Variants in GMDS observed in about 807,000 individuals in gnomAD.
GMDS encodes the protein GDP-mannose 4,6-dehydratase, also known as GDP-mannose 4,6 dehydratase.
GMDS carries 20 observed loss-of-function variants against 49.9 expected under a neutral mutation model. That is an observed-to-expected ratio of 0.40 (90% CI 0.28 to 0.58). The LOEUF is 0.58. Among genes scored for constraint, GMDS ranks in the 20% least tolerant of loss-of-function variants. The pLI is 0.42. For synonymous variants in GMDS, 177 were observed against 178.6 expected, an observed-to-expected ratio of 0.99 and a Z score of 0.07; for missense variants, 362 against 481.4, an observed-to-expected ratio of 0.75 and a Z score of 2.32.
At chr6:2,071,961 G>A (rs1450524703) in intron 4 of GMDS, among the ~76,000 whole-genome samples, 1 of 152,138 alleles carries the variant, frequency 6.6e-6, no homozygotes, top group Non-Finnish European at 1.5e-5. Flanking sequence ...GGGGAAAAAA[G>A]AGTAAAAGTG....
At chr6:1,954,230 G>A (rs1390811738) in intron 6 of GMDS, among the ~76,000 whole-genome samples, 1 of 152,228 alleles carries the variant, frequency 6.6e-6, no homozygotes, top group African/African-American at 2.4e-5. Context: ...GTTTTTAAAA[G>A]CCCTGTACAA....
intron 4 of GMDS, among the ~76,000 whole-genome samples, chr6:2,070,400 G>A (rs988055214): frequency 3.3e-5 from 5 of 151,824 alleles, no homozygotes; most frequent in African/African-American, 9.7e-5. Context: ...CACATGTACC[G>A]TAAAACCTAA....
intron 4 of GMDS, among the ~76,000 whole-genome samples, chr6:2,004,235 A>G (rs1361919513): frequency 1.3e-5 from 2 of 152,226 alleles, no homozygotes; most frequent in African/African-American, 4.8e-5. Context: ...TACAACGCCT[A>G]CAGCCTAAAA....
At position 1,640,477 on chromosome 6, in the gene GMDS, A is replaced by G. The variant is rs1166134943; in HGVS notation, c.988-15937T>C. On this transcript the variant is annotated intron_variant, in intron 9 of 10. Coordinates refer to ENST00000380815, the MANE Select transcript of GMDS (RefSeq NM_001500.4). The surrounding 1 kb of genome is among the most constrained non-coding windows in gnomAD (Gnocchi z 4.0). ...TCAGGTCCCTCTTTAAGTGTTGGCC[A>G]CTCCCCAGCCTTGAACCTCCCTGAC... Among the ~76,000 whole-genome samples the G allele has an allele frequency of 6.6e-6, 1 of 151,604 alleles. No individual in the cohort carries two copies. The highest frequency in any genetic ancestry group is 1.5e-5 in the Non-Finnish European group (1 of 67,934).
intron 4 of GMDS, among the ~76,000 whole-genome samples, chr6:1,972,727 C>T (rs1452596925): frequency 6.6e-6 from 1 of 152,208 alleles, no homozygotes. Flanking sequence ...GGGACAACAG[C>T]CATTTCAACA....
chr6:2,226,556 C>A (rs1420219565), intron 1 of GMDS, among the ~76,000 whole-genome samples: 1 of 152,128 alleles, frequency 6.6e-6, no homozygotes, highest in African/African-American at 2.4e-5. Flanking sequence ...GATATTATAA[C>A]CCTCCTATCA....
chr6:1,806,682 T>C (rs1003954220), intron 7 of GMDS, among the ~76,000 whole-genome samples: 1 of 152,196 alleles, frequency 6.6e-6, no homozygotes, highest in Admixed American at 6.5e-5. Context: ...TTCTTACATA[T>C]CAAAATGAGA....
intron 9 of GMDS, among the ~76,000 whole-genome samples, chr6:1,644,108 G>C (rs2113192805): frequency 6.6e-6 from 1 of 152,324 alleles, no homozygotes; most frequent in South Asian, 2.1e-4. Context: ...CCCCCGGTCT[G>C]AGGTAGGTCA....
At chr6:2,041,872 C>A (rs1769704778) in intron 4 of GMDS, among the ~76,000 whole-genome samples, 1 of 152,132 alleles carries the variant, frequency 6.6e-6, no homozygotes, top group African/African-American at 2.4e-5. Flanking sequence ...TAAACAAATA[C>A]CTTTTTAAAA....
At chr6:2,207,031 T>C (rs1581796224) in intron 1 of GMDS, among the ~76,000 whole-genome samples, 1 of 152,154 alleles carries the variant, frequency 6.6e-6, no homozygotes, top group African/African-American at 2.4e-5. Context: ...ACTTATAAGG[T>C]CATGAAAACA....
chr6:1,947,187 C>A (rs747139337), intron 6 of GMDS, among the ~76,000 whole-genome samples: 48 of 152,092 alleles, frequency 3.2e-4, no homozygotes, highest in South Asian at 2.1e-4. Flanking sequence ...TCCAGCACTC[C>A]CAATTAAATG....
chr6:1,945,374 C>T (rs1057096241), intron 6 of GMDS, among the ~76,000 whole-genome samples: 1 of 152,086 alleles, frequency 6.6e-6, no homozygotes, highest in African/African-American at 2.4e-5. Flanking sequence ...TGTGTGGCAA[C>T]AGGAGTGTGG....
At position 1,752,101 on chromosome 6, in the gene GMDS, A is replaced by G. The variant is rs116245409; in HGVS notation, c.772-9515T>C. Among the ~76,000 whole-genome samples, 477 of 152,340 alleles carry G rather than the reference A, an allele frequency of 3.1e-3. 3 individuals carry two copies. The highest frequency in any genetic ancestry group is 0.011 in the African/African-American group (445 of 41,586). ...ACAAACTCTTCTGAGCAACAGGAGC[A>G]TGTTCTAACCCAATGCAAGAAAGCT... On this transcript the variant is annotated intron_variant, in intron 7 of 10. Coordinates refer to ENST00000380815, the MANE Select transcript of GMDS (RefSeq NM_001500.4).
intron 7 of GMDS, among the ~76,000 whole-genome samples, chr6:1,885,622 G>A (rs1047975926): frequency 6.6e-6 from 1 of 152,174 alleles, no homozygotes; most frequent in East Asian, 1.9e-4. Flanking sequence ...CTTGGTCTCC[G>A]AGGTTGCCTA....
intron 1 of GMDS, among the ~76,000 whole-genome samples, chr6:2,171,653 C>T (rs1778011351): frequency 6.6e-6 from 1 of 151,994 alleles, no homozygotes; most frequent in South Asian, 2.1e-4. Context: ...GTGGATAGCA[C>T]AGGGAACAAA....
chr6:2,081,597 A>C (rs1176073441), intron 4 of GMDS, among the ~76,000 whole-genome samples: 2 of 152,048 alleles, frequency 1.3e-5, no homozygotes, highest in African/African-American at 4.8e-5. Context: ...AAAAAAAGCC[A>C]ATGTTTGCAT....
intron 7 of GMDS, among the ~76,000 whole-genome samples, chr6:1,807,077 G>T (rs192392720): frequency 2.0e-5 from 3 of 152,106 alleles, no homozygotes; most frequent in Admixed American, 2.0e-4. Flanking sequence ...GGGTCTTGCT[G>T]TGTTGTCCAG....
chr6:1,738,778 A>C (rs374734312), intron 8 of GMDS, among the ~76,000 whole-genome samples: 3 of 152,198 alleles, frequency 2.0e-5, no homozygotes, highest in East Asian at 3.8e-4. Context: ...GCTGATTCTA[A>C]GACTCAAATC....
At chr6:1,753,509 A>G (rs1476573157) in intron 7 of GMDS, among the ~76,000 whole-genome samples, 2 of 152,250 alleles carry the variant, frequency 1.3e-5, no homozygotes, top group Non-Finnish European at 2.9e-5. Context: ...GATATTGAGG[A>G]CTTGAATTCA....
Sources: allele counts gnomAD v4.1 joint callset (sites outside exome capture counted in the v4.1 genomes callset), GRCh38; gene constraint gnomAD v4.1.1; non-coding constraint Gnocchi (gnomAD v3.1); transcripts MANE v1.5; gene names NCBI Gene and HGNC (gene_info 2026-07-23, HGNC 2026-07-21).